UBA7: variants seen among roughly 807,000 people sequenced by gnomAD.
The protein encoded by UBA7 is ubiquitin-like modifier-activating enzyme 7.
A neutral mutation model predicts 113.0 loss-of-function variants in UBA7; 88 were observed. The ratio of observed to expected loss-of-function variants is 0.78; its 90% CI spans 0.66 to 0.93. The LOEUF is 0.93. Ranked by LOEUF, UBA7 falls within the 40% of genes least tolerant of loss-of-function variation. The pLI is 0.00. For missense variants in UBA7, 1,092 were observed against 1,266.4 expected (o/e 0.86, Z 2.09); for synonymous variants, 459 against 513.0 (o/e 0.89, Z 1.42).
In UBA7 at chr3:49,813,726, C is replaced by T. The variant is rs1424623204; in HGVS notation, c.56+6G>A. ...CCCACTCTCCACCCCCCACCTCGGG[C>T]CTCACAGCTGTCTTGAATACAGCTC... On this transcript the variant is annotated splice_donor_region_variant and intron_variant, in intron 1 of 23. Transcript: ENST00000333486. The T allele has an allele frequency of 6.2e-7, 1 of 1,614,274 alleles. No individual in the cohort carries two copies. Among genetic ancestry groups the T allele is most frequent in the Admixed American group, 1.7e-5 (1 of 60,026 alleles).
chr3:49,809,184 C>G (rs371016528), intron 17 of UBA7, 25 bp from the exon 18 acceptor site: 3 of 1,597,734 alleles, frequency 1.9e-6, no homozygotes, highest in Non-Finnish European at 2.6e-6. Context: ...AGAGCAGGAA[C>G]AGAGGCATGG....
rs761075383 is a variant in UBA7 at position 49,808,989 on chromosome 3, A to G, written c.2334T>C (p.Ala778=). 5 of 1,613,342 alleles carry G rather than the reference A, an allele frequency of 3.1e-6. No homozygotes were observed. Among genetic ancestry groups the G allele is most frequent in the Non-Finnish European group, 4.2e-6 (5 of 1,179,940 alleles). Residue 778 remains alanine, a synonymous_variant, in exon 18 of 24, where the codon GCT becomes GCC. Transcript: ENST00000333486. ...IFASNLELAS[A]SAEFGPEQQK... ...CAGGAGCCTCACCAAACTCAGCAGAAGCCGAAGCCAGCTCTAGATTACTAG... is the reference window on the plus strand; with the variant it reads ...CAGGAGCCTCACCAAACTCAGCAGAGGCCGAAGCCAGCTCTAGATTACTAG...
At position 49,813,722 on chromosome 3, in the gene UBA7, C is replaced by T. The variant is rs567569622; in HGVS notation, c.56+10G>A. On this transcript the variant is annotated intron_variant, in intron 1 of 23. Coordinates refer to ENST00000333486, the MANE Select transcript of UBA7 (RefSeq NM_003335.3). ...CCATCCCACTCTCCACCCCCCACCT[C>T]GGGCCTCACAGCTGTCTTGAATACA... is the stretch of plus-strand genomic sequence containing the variant. The T allele has an allele frequency of 1.6e-4, 258 of 1,614,264 alleles. No homozygotes were observed. Among genetic ancestry groups the T allele is most frequent in the South Asian group, 1.4e-3 (131 of 91,090 alleles).
rs1024301123 is a variant in UBA7 at position 49,811,358 on chromosome 3, A to G, written c.1037T>C (p.Val346Ala). Residue 346 changes from valine to alanine, a missense_variant, in exon 9 of 24, where the codon GTG becomes GCG. Val to Ala is a moderately conservative substitution (Grantham distance 64). Transcript: ENST00000333486. ...TGCACTGCTTAGGGCGACTGTCCGC[A>G]CTAGGGCCTCATCCAGTGGCTCTTC... ...PLEEPLDEAL[V>A]RTVALSSAGV... 6.2e-7 allele frequency: 1 copy of G among 1,614,176 alleles called. No individual in the cohort carries two copies. Among genetic ancestry groups the G allele is most frequent in the African/African-American group, 1.3e-5 (1 of 75,050 alleles).
In UBA7 at chr3:49,809,666, A is replaced by G. The variant is rs1559434202; in HGVS notation, c.1964T>C (p.Val655Ala). 1.9e-6 allele frequency: 3 copies of G among 1,614,064 alleles called. No homozygotes were observed. Among genetic ancestry groups the G allele is most frequent in the East Asian group, 2.2e-5 (1 of 44,872 alleles). ...TGGACGCACTCTCAGGACCCCAAGC[A>G]CTGGCTTCAGTAAGGTGAGTGTCTG... ...EPQTLTLLKP[V>A]LGVLRVRPQN... Residue 655 changes from valine (V) to alanine (A), a missense_variant, in exon 16 of 24, where the codon GTG becomes GCG. Transcript: ENST00000333486.
At position 49,810,310 on chromosome 3, in the gene UBA7, A is replaced by G. The variant is rs1333013660; in HGVS notation, c.1586T>C (p.Phe529Ser). The G allele has an allele frequency of 3.7e-6, 6 of 1,614,102 alleles. No individual in the cohort carries two copies. The highest frequency in any genetic ancestry group is 5.1e-6 in the Non-Finnish European group (6 of 1,180,022). The change falls in exon 13 of 24, where the codon TTC becomes TCC. Residue 529 changes from phenylalanine to serine, a missense_variant. Coordinates refer to ENST00000333486, the MANE Select transcript of UBA7 (RefSeq NM_003335.3). The surrounding 1 kb of genome is among the most constrained non-coding windows in gnomAD (Gnocchi z 5.6). ...AGCAGCCACACCATCCACACGGGAG[A>G]AAAAGTTATCCCCATAGATGTGCTC... The part of the protein sequence containing the change: ...TTEHIYGDNF[F>S]SRVDGVAAAL...
chr3:49,809,793 C>G, intron 15 of UBA7, 22 bp downstream of exon 15: 1 of 1,614,134 alleles, frequency 6.2e-7, no homozygotes, highest in Non-Finnish European at 8.5e-7. Context: ...GGACTCCCAT[C>G]TGCCTCTGTT....
intron 4 of UBA7, 91 bp downstream of exon 4, chr3:49,812,971 G>T: frequency 7.0e-7 from 1 of 1,431,788 alleles, no homozygotes; most frequent in Non-Finnish European, 9.6e-7. Flanking sequence ...GAGGCTGGTT[G>T]GAGGGGCACT....
At position 49,810,738 on chromosome 3, in the gene UBA7, A is replaced by T; in HGVS notation, c.1311+14T>A. ...CTCTCCCAAAGGCACCCCCAGTCTC[A>T]CCCCACAGCTCACCAGGAGGTAGTG... On this transcript the variant is annotated intron_variant, in intron 11 of 23. Coordinates refer to ENST00000333486, the MANE Select transcript of UBA7 (RefSeq NM_003335.3). The surrounding 1 kb of genome is among the most constrained non-coding windows in gnomAD (Gnocchi z 5.6). 2 of 1,613,946 alleles carry T rather than the reference A, an allele frequency of 1.2e-6. No individual in the cohort carries two copies. Among genetic ancestry groups the T allele is most frequent in the Non-Finnish European group, 1.7e-6 (2 of 1,179,962 alleles).
Position 49,810,344 on chromosome 3 carries a change from G to T in UBA7, c.1552C>A (p.Pro518Thr). Residue 518 changes from proline (P) to threonine (T), a missense_variant, in exon 13 of 24, where the codon CCC (proline) becomes ACC (threonine). Pro to Thr is a conservative substitution (Grantham distance 38). Around this residue, in one of 3 missense-constraint regions of UBA7, gnomAD observed 584 missense variants for 714.5 expected, o/e 0.82. Transcript: ENST00000333486. The surrounding 1 kb of genome is among the most constrained non-coding windows in gnomAD (Gnocchi z 5.6). Reference protein sequence around the residue: ...QVIPLTYPLDPTTEHIYGDNF... With the variant: ...QVIPLTYPLDTTTEHIYGDNF... ...TCCCCATAGATGTGCTCTGTGGTGG[G>T]ATCCAGTGGGTAGGTGAGCGGGATC... The T allele has an allele frequency of 6.2e-7, 1 of 1,614,206 alleles. No homozygotes were observed. Among genetic ancestry groups the T allele is most frequent in the South Asian group, 1.1e-5 (1 of 91,090 alleles).
intron 8 of UBA7, 65 bp downstream of exon 8, chr3:49,811,805 G>T: frequency 1.3e-6 from 2 of 1,596,188 alleles, no homozygotes; most frequent in Middle Eastern, 2.3e-4. Flanking sequence ...GGTCATTGTT[G>T]CCTCTGGCAG....
chr3:49,808,257 G>T, intron 19 of UBA7, 129 bp downstream of exon 19: 1 of 1,502,880 alleles, frequency 6.7e-7, no homozygotes, highest in Non-Finnish European at 9.2e-7. Flanking sequence ...GAGGTTCAGG[G>T]AATGTGAGCT....
chr3:49,811,282 T>G lies in UBA7; in HGVS notation c.1113A>C (p.Glu371Asp). 1 of 1,614,068 alleles carries G rather than the reference T, an allele frequency of 6.2e-7. No homozygotes were observed. The highest frequency in any genetic ancestry group is 8.5e-7 in the Non-Finnish European group (1 of 1,179,992). Residue 371 changes from glutamate to aspartate, a missense_variant, in exon 9 of 24, where the codon GAA (glutamate) becomes GAC (aspartate). Around this residue, in one of 3 missense-constraint regions of UBA7, gnomAD observed 584 missense variants for 714.5 expected, o/e 0.82. Coordinates refer to ENST00000333486, the MANE Select transcript of UBA7 (RefSeq NM_003335.3). ...CTATGCCTCTGCCCACCTTCAGCAC[T>G]TCCTGGGCAGCTACTGCACCCAGCA... ...VAMLGAVAAQ[E>D]VLKAISRKFM...
intron 21 of UBA7, 42 bp from the exon 22 acceptor site, chr3:49,806,207 C>T: frequency 6.6e-7 from 1 of 1,505,578 alleles, no homozygotes; most frequent in Non-Finnish European, 9.0e-7. Context: ...TCTTACCTCC[C>T]CCCAACCCCC....
At position 49,808,906 on chromosome 3, in the gene UBA7, C is replaced by T. The variant is rs2081497029; in HGVS notation, c.2347+70G>A. 2.6e-6 allele frequency: 4 copies of T among 1,540,070 alleles called. No homozygotes were observed. The East Asian group carries it at 9.1e-5, about 35-fold the overall frequency. Reference sequence around the variant, plus strand: ...CCTAGGCCCTATCTTCCTTCTGCAGCACAGGCTGAGGACAGGACAGGTTCA... The same window carrying T: ...CCTAGGCCCTATCTTCCTTCTGCAGTACAGGCTGAGGACAGGACAGGTTCA... On this transcript the variant is annotated intron_variant, in intron 18 of 23. Transcript: ENST00000333486.
intron 7 of UBA7, 28 bp downstream of exon 7, chr3:49,812,081 C>T (rs1402239594): frequency 1.2e-6 from 2 of 1,614,070 alleles, no homozygotes; most frequent in African/African-American, 1.3e-5. Context: ...CGACCAAGCT[C>T]CCCTACCTCA....
At position 49,809,052 on chromosome 3, in the gene UBA7, C is replaced by T. The variant is rs777602475; in HGVS notation, c.2271G>A (p.Leu757=). ...CCATCTGTTGGGGGTCAGGCTGTGG[C>T]AGCAGCTTCAGCAGCTCCCTGAGTG... ...WTALRELLKL[L]PQPDPQQMAP... is the part of the protein sequence containing the mutation. The change falls in exon 18 of 24, where the codon CTG becomes CTA. Residue 757 remains leucine (L), a synonymous_variant. Coordinates refer to ENST00000333486, the MANE Select transcript of UBA7 (RefSeq NM_003335.3). 6 of 1,613,696 alleles carry T rather than the reference C, an allele frequency of 3.7e-6. No homozygotes were observed. In the South Asian group the frequency reaches 6.6e-5, roughly 18 times the overall value.
Position 49,812,000 on chromosome 3 carries a change from G to A in UBA7, c.809C>T (p.Ala270Val), listed in dbSNP as rs1203420738. The A allele has an allele frequency of 3.1e-6, 5 of 1,614,190 alleles. No homozygotes were observed. In the South Asian group the frequency reaches 5.5e-5, roughly 18 times the overall value. The change falls in exon 8 of 24, where the codon GCC becomes GTC. Residue 270 changes from alanine (A) to valine (V), a missense_variant. Ala to Val is a moderately conservative substitution (Grantham distance 64, BLOSUM62 0). Coordinates refer to ENST00000333486, the MANE Select transcript of UBA7 (RefSeq NM_003335.3). ...KTVRHKSLDT[A>V]LLQPHVVAQS... ...GGCCACCACATGGGGCTGGAGCAGG[G>A]CTGTGTCCAGGGACTTCTGCAAGGG... is the stretch of plus-strand genomic sequence containing the variant.
Position 49,812,090 on chromosome 3 carries a change from C to T in UBA7, c.792+19G>A. 1 of 1,614,236 alleles carries T rather than the reference C, an allele frequency of 6.2e-7. No homozygotes were observed. On this transcript the variant is annotated intron_variant, in intron 7 of 23. Coordinates refer to ENST00000333486, the MANE Select transcript of UBA7 (RefSeq NM_003335.3). ...TCAAGGCGACCAAGCTCCCCTACCTCAGATGCACTTGCACTCACATGTCTC... is the reference window on the plus strand; with the variant it reads ...TCAAGGCGACCAAGCTCCCCTACCTTAGATGCACTTGCACTCACATGTCTC...
Sources: gnomAD v4.1 joint callset for allele counts on GRCh38, gnomAD v4.1.1 for gene constraint, gnomAD v4.1.1 regional missense constraint, Gnocchi (gnomAD v3.1) non-coding constraint, MANE v1.5 for transcripts, NCBI Gene and HGNC (gene_info 2026-07-23, HGNC 2026-07-21) for gene names.